Variants in FAM98A observed in about 807,000 individuals in gnomAD.
FAM98A encodes tRNA splicing ligase complex subunit 3A.
A neutral mutation model predicts 62.9 loss-of-function variants in FAM98A; 25 were observed. The observed-to-expected ratio is 0.40, with a 90% CI of 0.29 to 0.56. The LOEUF (loss-of-function observed/expected upper bound fraction) is 0.56, where lower values mean the gene tolerates loss of function less well. Ranked by LOEUF, FAM98A falls within the 20% of genes least tolerant of loss-of-function variation. The pLI, the probability that FAM98A is intolerant of heterozygous loss-of-function variation, is 0.51. For synonymous variants in FAM98A, 252 were observed against 228.6 expected, an observed-to-expected ratio of 1.10 and a Z score of -0.92; for missense variants, 653 against 640.7, an observed-to-expected ratio of 1.02 and a Z score of -0.21.
rs113950084 is a variant in FAM98A, at chr2:33,593,694, C to T, written c.203-1480G>A. On this transcript the variant is annotated intron_variant, in intron 2 of 7. Transcript: ENST00000238823. ...TCTAATCTGTAATACAGGAAGCCTA[C>T]ATTATGAATATTTTGCAAACTGTGA... 2.6e-3 allele frequency among the ~76,000 whole-genome samples: 402 copies of T among 152,274 alleles called. 1 individual carries two copies. Among genetic ancestry groups the T allele is most frequent in the African/African-American group, 9.2e-3 (383 of 41,556 alleles).
rs561820764 is a variant in FAM98A at position 33,588,359 on chromosome 2, T to C, written c.498A>G (p.Gln166=). ...CTTTTTTTTCAATCCCGCTGAAGAATTGGAACATAGTTATATTGGCTGGAG... is the reference window on the plus strand; with the variant it reads ...CTTTTTTTTCAATCCCGCTGAAGAACTGGAACATAGTTATATTGGCTGGAG... The part of the protein sequence containing the change: ...SKPPANITMF[Q]FFSGIEKKLK... The change falls in exon 4 of 8, where the codon CAA becomes CAG. Residue 166 remains glutamine (Q), a synonymous_variant. Coordinates refer to ENST00000238823, the MANE Select transcript of FAM98A (RefSeq NM_015475.5). 118 of 1,612,534 alleles carry C rather than the reference T, an allele frequency of 7.3e-5. No individual in the cohort carries two copies. The highest frequency in any genetic ancestry group is 9.4e-5 in the Non-Finnish European group (111 of 1,179,270).
Position 33,592,067 on chromosome 2 carries a change from G to A in FAM98A, c.337+13C>T. The A allele has an allele frequency of 4.3e-6, 7 of 1,609,674 alleles. No individual in the cohort carries two copies. Among genetic ancestry groups the A allele is most frequent in the Non-Finnish European group, 5.9e-6 (7 of 1,176,888 alleles). On this transcript the variant is annotated intron_variant, in intron 3 of 7. Transcript: ENST00000238823. ...AGAAAGTAATAGCTATATTCTAGTA[G>A]CCATGAACTTACTGAGCAAGAGGAG...
chr2:33,590,071 C>T (rs2151144823), intron 3 of FAM98A, among the ~76,000 whole-genome samples: 1 of 152,162 alleles, frequency 6.6e-6, no homozygotes, highest in Admixed American at 6.5e-5. Flanking sequence ...CTGGGAAAGG[C>T]ACTGAAGATA....
At chr2:33,590,352 C>A (rs1451544308) in intron 3 of FAM98A, among the ~76,000 whole-genome samples, 1 of 152,046 alleles carries the variant, frequency 6.6e-6, no homozygotes, top group Non-Finnish European at 1.5e-5. Flanking sequence ...TGTTTTCCCC[C>A]CTAAAATACA....
intron 3 of FAM98A, among the ~76,000 whole-genome samples, chr2:33,590,389 G>GGT (rs1436730285): frequency 6.6e-6 from 1 of 152,090 alleles, no homozygotes; most frequent in Non-Finnish European, 1.5e-5. Flanking sequence ...AAGTTAGTGA[G>GGT]GTAAGGGTGC....
chr2:33,585,514 A>T lies in FAM98A; in HGVS notation c.888+16T>A. ...AAATAAATGCATTTGGAAAAAATTA[A>T]AGGTACTCTAATCACCTTATTGATG... is the stretch of plus-strand genomic sequence containing the variant. On this transcript the variant is annotated intron_variant, in intron 7 of 7. Transcript: ENST00000238823. 2 of 1,613,984 alleles carry T rather than the reference A, an allele frequency of 1.2e-6. No individual in the cohort carries two copies. Among genetic ancestry groups the T allele is most frequent in the Non-Finnish European group, 1.7e-6 (2 of 1,179,948 alleles).
chr2:33,598,254 G>T (rs1396299453), intron 1 of FAM98A, among the ~76,000 whole-genome samples: 1 of 152,166 alleles, frequency 6.6e-6, no homozygotes, highest in Non-Finnish European at 1.5e-5. Flanking sequence ...TTTTGATAAA[G>T]AACTTGTTAC....
Position 33,585,118 on chromosome 2 carries a change from C to T in FAM98A, c.1215G>A (p.Gln405=), listed in dbSNP as rs760496930. 54 of 1,614,040 alleles carry T rather than the reference C, an allele frequency of 3.3e-5. No homozygotes were observed. Among genetic ancestry groups the T allele is most frequent in the Non-Finnish European group, 4.2e-5 (50 of 1,180,024 alleles). The change falls in exon 8 of 8, where the codon CAG becomes CAA. Residue 405 remains glutamine (Q), a synonymous_variant. Coordinates refer to ENST00000238823, the MANE Select transcript of FAM98A (RefSeq NM_015475.5). ...TGTGGCCACCATGATAGCCACCTGGCTGGAAACCTGAATCTCGATAACCAC... is the reference window on the plus strand; with the variant it reads ...TGTGGCCACCATGATAGCCACCTGGTTGGAAACCTGAATCTCGATAACCAC... The part of the protein sequence containing the change: ...QDGGYRDSGF[Q]PGGYHGGHSS...
At chr2:33,586,462 T>C in intron 6 of FAM98A, 100 bp downstream of exon 6, 1 of 746,922 alleles carries the variant, frequency 1.3e-6, no homozygotes, top group Non-Finnish European at 2.3e-6. Flanking sequence ...ATGTGTGTCT[T>C]CTATGTACTT....
rs1332545816 is a variant in FAM98A, at chr2:33,586,674, T to C, written c.608A>G (p.Lys203Arg). The C allele has an allele frequency of 1.9e-6, 3 of 1,602,354 alleles. No individual in the cohort carries two copies. The highest frequency in any genetic ancestry group is 2.6e-6 in the Non-Finnish European group (3 of 1,169,488). ...KKPMGPAHWE[K>R]IEAINQAIAN... ...TATGGCTTGGTTAATTGCTTCTATC[T>C]TTTCCTGAAGCAAAATTAAAAAGAC... Residue 203 changes from lysine (K) to arginine (R), a missense_variant, in exon 6 of 8, where the codon AAG becomes AGG. Physicochemically the swap from Lys to Arg is conservative, Grantham distance 26 (BLOSUM62 2). Coordinates refer to ENST00000238823, the MANE Select transcript of FAM98A (RefSeq NM_015475.5).
Position 33,599,256 on chromosome 2 carries a change from C to CG in FAM98A, c.-36_-35insC. 1.3e-6 allele frequency: 2 copies of CG among 1,582,118 alleles called. No individual in the cohort carries two copies. The highest frequency in any genetic ancestry group is 1.7e-6 in the Non-Finnish European group (2 of 1,150,824). On this transcript the variant is annotated 5_prime_UTR_variant, in exon 1 of 8. It introduces an in-frame stop codon into an upstream open reading frame of the 5' UTR. Coordinates refer to ENST00000238823, the MANE Select transcript of FAM98A (RefSeq NM_015475.5). ...GTATTCAAATTTCCGAGTCGTCAGGCTCCCCTCTTCGCCGGCAACGCGTAC... is the reference window on the plus strand; with the variant it reads ...GTATTCAAATTTCCGAGTCGTCAGGCGTCCCCTCTTCGCCGGCAACGCGTAC...
At chr2:33,587,714 C>A in intron 4 of FAM98A, 1 of 201,540 alleles carries the variant, frequency 5.0e-6, no homozygotes, top group Non-Finnish European at 1.0e-5. Flanking sequence ...AGCAGATAAG[C>A]GTATAGGGAA....
chr2:33,591,914 G>T, intron 3 of FAM98A, 166 bp downstream of exon 3: 1 of 594,988 alleles, frequency 1.7e-6, no homozygotes, highest in Non-Finnish European at 2.9e-6. Flanking sequence ...CAGTGCACAC[G>T]TCTACCCTCA....
intron 2 of FAM98A, among the ~76,000 whole-genome samples, chr2:33,592,806 G>A (rs1354043272): frequency 6.6e-6 from 1 of 152,086 alleles, no homozygotes; most frequent in Non-Finnish European, 1.5e-5. Context: ...GCTTAGGTTT[G>A]TTCTTCCTAG....
intron 5 of FAM98A, chr2:33,586,938 GTGAAGTTTTTGGCT>G (rs1426828174): frequency 1.2e-5 from 6 of 521,128 alleles, no homozygotes; most frequent in Non-Finnish European, 2.0e-5. Flanking sequence ...GCTCAGCCCA[GTGAAGTTTTTGGCT>G]TGAAGGCAAT....
intron 3 of FAM98A, among the ~76,000 whole-genome samples, chr2:33,590,774 A>G (rs1028936486): frequency 6.6e-6 from 1 of 152,210 alleles, no homozygotes; most frequent in Non-Finnish European, 1.5e-5. Flanking sequence ...TAAGAAACAG[A>G]AAAGTGTGAA....
At chr2:33,595,708 T>C (rs1015032391) in intron 1 of FAM98A, 71 bp from the exon 2 acceptor site, 3 of 1,095,224 alleles carry the variant, frequency 2.7e-6, no homozygotes, top group Admixed American at 2.8e-5. Context: ...AAAACATATC[T>C]ATGTCTTATT....
rs1315718646 is a variant in FAM98A at position 33,585,242 on chromosome 2, C to A, written c.1091G>T (p.Gly364Val). The A allele has an allele frequency of 1.2e-6, 2 of 1,614,008 alleles. No individual in the cohort carries two copies. The highest frequency in any genetic ancestry group is 2.7e-5 in the African/African-American group (2 of 74,894). Residue 364 changes from glycine to valine, a missense_variant, in exon 8 of 8, where the codon GGT (glycine) becomes GTT (valine). Physicochemically the swap from Gly to Val is moderately radical, Grantham distance 109. Transcript: ENST00000238823. The part of the protein sequence containing the change: ...HEQGGGRGGR[G>V]GYDHGGRGGG... ...CCCTCGGCCACCATGGTCATAGCCA[C>A]CACGTCCACCTCTCCCGCCTCCTTG...
rs1208330917 is a variant in FAM98A at position 33,591,979 on chromosome 2, A to G, written c.337+101T>C. ...TATTTTAAAATGAATTTTGAATTACATTCATAATGAAATAAACAAACAAAA... is the reference window on the plus strand; with the variant it reads ...TATTTTAAAATGAATTTTGAATTACGTTCATAATGAAATAAACAAACAAAA... On this transcript the variant is annotated intron_variant, in intron 3 of 7. Transcript: ENST00000238823. The G allele has an allele frequency of 2.8e-6, 3 of 1,064,372 alleles. No individual in the cohort carries two copies. In the African/African-American group the frequency reaches 4.8e-5, roughly 17 times the overall value. 65.9% of individuals were successfully genotyped at this position (1,064,372 alleles called of 1,614,324 possible).
Sources: allele counts gnomAD v4.1 joint callset (sites outside exome capture counted in the v4.1 genomes callset), GRCh38; gene constraint gnomAD v4.1.1; transcripts MANE v1.5; gene names NCBI Gene and HGNC (gene_info 2026-07-23, HGNC 2026-07-21).